Variants in ARHGEF7 observed in about 807,000 individuals in gnomAD.
ARHGEF7 encodes the protein PAK-interacting exchange factor beta.
ARHGEF7 carries 33 observed loss-of-function variants against 109.8 expected under a neutral mutation model. The ratio of observed to expected loss-of-function variants is 0.30; its 90% confidence interval spans 0.23 to 0.40. The LOEUF (loss-of-function observed/expected upper bound fraction) is 0.40. ARHGEF7 is among the 10% of genes least tolerant of loss of function. The pLI, the probability that ARHGEF7 is intolerant of heterozygous loss-of-function variation, is 1.00. For synonymous variants in ARHGEF7, 458 were observed against 424.6 expected (o/e 1.08, Z -0.97); for missense variants, 938 against 1,098.5 (o/e 0.85, Z 2.07).
At position 111,239,960 on chromosome 13, in the gene ARHGEF7, A is replaced by G. The variant is rs1848418522; in HGVS notation, c.760-3912A>G. Among the ~76,000 whole-genome samples the G allele has an allele frequency of 6.6e-6, 1 of 152,198 alleles. No individual in the cohort carries two copies. Among genetic ancestry groups the G allele is most frequent in the African/African-American group, 2.4e-5 (1 of 41,442 alleles). On this transcript the variant is annotated intron_variant, in intron 6 of 21. Coordinates refer to ENST00000646102, the MANE Select transcript of ARHGEF7 (RefSeq NM_001354046.2). The surrounding 1 kb of genome is among the most constrained non-coding windows in gnomAD (Gnocchi z 4.3). ...GAAGCAGCTCCAAGTAAGACTCTACATTGGGCTGGAAGGTCGAAGGGTGAC... is the reference window on the plus strand; with the variant it reads ...GAAGCAGCTCCAAGTAAGACTCTACGTTGGGCTGGAAGGTCGAAGGGTGAC...
At chr13:111,177,219 C>T (rs2078256029) in intron 2 of ARHGEF7, among the ~76,000 whole-genome samples, 1 of 152,238 alleles carries the variant, frequency 6.6e-6, no homozygotes, top group Admixed American at 6.5e-5. Flanking sequence ...GGGCCAGGGC[C>T]ACACAGCTGG....
intron 2 of ARHGEF7, among the ~76,000 whole-genome samples, chr13:111,170,573 C>G (rs1176146991): frequency 6.6e-6 from 1 of 152,220 alleles, no homozygotes; most frequent in East Asian, 1.9e-4. Flanking sequence ...GCTGCTCACT[C>G]AAGCCTTCCT....
chr13:111,235,310 C>T (rs1366000563), intron 6 of ARHGEF7, among the ~76,000 whole-genome samples: 1 of 152,154 alleles, frequency 6.6e-6, no homozygotes, highest in Non-Finnish European at 1.5e-5. Flanking sequence ...TTTTAGAAAT[C>T]CTGGTGGGTT....
rs2066679811 is a variant in ARHGEF7, at chr13:111,115,685, C to G, written c.159C>G (p.Ile53Met). ...RLLERLLPGT[I>M]EKVYPEPRSE... Reference sequence around the variant, plus strand: ...TGGAGCGCCTGCTCCCCGGGACCATCGAGAAAGTAAGTCCCGGCCCGCGCC... The same window carrying G: ...TGGAGCGCCTGCTCCCCGGGACCATGGAGAAAGTAAGTCCCGGCCCGCGCC... The change falls in exon 1 of 22, where the codon ATC becomes ATG. Residue 53 changes from isoleucine to methionine, a missense_variant. This residue lies in a region of ARHGEF7 where 165 missense variants were observed against 125.8 expected (regional missense o/e 1.31). Transcript: ENST00000646102. The G allele has an allele frequency of 1.2e-5, 15 of 1,261,344 alleles. No individual in the cohort carries two copies. Among genetic ancestry groups the G allele is most frequent in the Non-Finnish European group, 1.5e-5 (15 of 995,996 alleles). 78.1% of individuals were successfully genotyped at this position (1,261,344 alleles called of 1,614,324 possible).
At chr13:111,172,414 A>G (rs2077690824) in intron 2 of ARHGEF7, among the ~76,000 whole-genome samples, 1 of 152,194 alleles carries the variant, frequency 6.6e-6, no homozygotes, top group Non-Finnish European at 1.5e-5. Context: ...TTCTCTTAAT[A>G]TCCCTGAAGT....
Position 111,238,439 on chromosome 13 carries a change from A to T in ARHGEF7, c.759+5146A>T, listed in dbSNP as rs79354009. ...AGAGGTTTTTGTGTGTATTAAGAAG[A>T]GTATTTAAGAGCATTGGGAACAGAA... On this transcript the variant is annotated intron_variant, in intron 6 of 21. Transcript: ENST00000646102. Among the ~76,000 whole-genome samples the T allele has an allele frequency of 2.3e-3, 346 of 152,334 alleles. 1 individual carries two copies. Among genetic ancestry groups the T allele is most frequent in the African/African-American group, 8.0e-3 (332 of 41,572 alleles).
intron 4 of ARHGEF7, among the ~76,000 whole-genome samples, chr13:111,216,247 C>A (rs1346686155): frequency 6.6e-6 from 1 of 152,098 alleles, no homozygotes; most frequent in Admixed American, 6.6e-5. Context: ...TTTTATTTCC[C>A]ACAAGTCCCT....
chr13:111,279,970 G>C (rs1185397610), intron 13 of ARHGEF7, among the ~76,000 whole-genome samples: 1 of 152,218 alleles, frequency 6.6e-6, no homozygotes, highest in Non-Finnish European at 1.5e-5. Context: ...CATAATGTGT[G>C]ATGTCTTTTG....
intron 2 of ARHGEF7, among the ~76,000 whole-genome samples, chr13:111,174,387 C>G (rs1391089477): frequency 1.3e-5 from 2 of 152,198 alleles, no homozygotes; most frequent in African/African-American, 4.8e-5. Context: ...TTCTTCAAGG[C>G]TTTTTTCTCC....
chr13:111,296,854 A>AC (rs1162206926), intron 19 of ARHGEF7, among the ~76,000 whole-genome samples: 2 of 152,110 alleles, frequency 1.3e-5, no homozygotes, highest in Non-Finnish European at 2.9e-5. Context: ...GTGTTGTGGA[A>AC]CCCCTCTCAT....
intron 19 of ARHGEF7, among the ~76,000 whole-genome samples, chr13:111,299,679 C>G (rs557552972): frequency 6.6e-6 from 1 of 152,134 alleles, no homozygotes; most frequent in South Asian, 2.1e-4. Flanking sequence ...ATAAAACATT[C>G]GTATTGTACT....
rs1566871085 is a variant in ARHGEF7 at position 111,221,343 on chromosome 13, ATATATATG to A, written c.670+3465_670+3472del. Among the ~76,000 whole-genome samples the A allele has an allele frequency of 1.5e-4, 2 of 13,696 alleles. 1 individual carries two copies. The highest frequency in any genetic ancestry group is 3.0e-4 in the Non-Finnish European group (2 of 6,642). 9.0% of individuals were successfully genotyped at this position (13,696 alleles called of 152,430 possible). ...TAGATATATATGTCTATATATATCT[ATATATATG>A]TCTATATATATATCTATATATATAT... On this transcript the variant is annotated intron_variant, in intron 5 of 21. Transcript: ENST00000646102.
chr13:111,203,047 A>C, intron 2 of ARHGEF7: 1 of 1,267,638 alleles, frequency 7.9e-7, no homozygotes, highest in Non-Finnish European at 1.0e-6. Context: ...GTTCTGGAAT[A>C]ACAGGAAACT....
At chr13:111,157,673 A>G (rs529286724) in intron 2 of ARHGEF7, among the ~76,000 whole-genome samples, 21 of 152,260 alleles carry the variant, frequency 1.4e-4, no homozygotes, top group Non-Finnish European at 2.8e-4. Flanking sequence ...ATTTCTTTGC[A>G]TTTTCTTAGG....
chr13:111,147,724 G>A (rs2075675077), intron 1 of ARHGEF7, among the ~76,000 whole-genome samples: 1 of 125,228 alleles, frequency 8.0e-6, no homozygotes, highest in Admixed American at 9.7e-5. Flanking sequence ...TTGAGACGGA[G>A]TCTCGCTCTG....
chr13:111,165,743 A>G (rs1046806403), intron 2 of ARHGEF7, among the ~76,000 whole-genome samples: 1 of 152,200 alleles, frequency 6.6e-6, no homozygotes, highest in African/African-American at 2.4e-5. Context: ...GTGGCACAAG[A>G]GAGGGATTCA....
intron 2 of ARHGEF7, among the ~76,000 whole-genome samples, chr13:111,185,822 C>T (rs1466516734): frequency 6.6e-6 from 1 of 152,156 alleles, no homozygotes. Context: ...CCTGATCTGC[C>T]TGCATGACCG....
intron 2 of ARHGEF7, among the ~76,000 whole-genome samples, chr13:111,188,885 G>C (rs977502517): frequency 6.6e-6 from 1 of 152,188 alleles, no homozygotes; most frequent in Non-Finnish European, 1.5e-5. Context: ...AATAAGTTCT[G>C]TTGGGGAAAT....
intron 2 of ARHGEF7, among the ~76,000 whole-genome samples, chr13:111,180,202 GTTAC>G (rs1366197191): frequency 6.6e-6 from 1 of 152,166 alleles, no homozygotes; most frequent in East Asian, 1.9e-4. Flanking sequence ...AGGAGAAAAT[GTTAC>G]TTTGCTTTCA....
Sources: gnomAD v4.1 joint callset for allele counts (sites outside exome capture counted in the v4.1 genomes callset) on GRCh38, gnomAD v4.1.1 for gene constraint, gnomAD v4.1.1 regional missense constraint, Gnocchi (gnomAD v3.1) non-coding constraint, MANE v1.5 for transcripts, NCBI Gene and HGNC (gene_info 2026-07-23, HGNC 2026-07-21) for gene names.